The following PHF2 variants were observed in gnomAD, a reference collection of about 807,000 sequenced individuals.
PHF2 encodes the protein lysine-specific demethylase PHF2.
In PHF2, 27 loss-of-function variants were observed where a neutral mutation model predicts 120.5. That is an observed-to-expected ratio of 0.22 (90% CI 0.17 to 0.31). The LOEUF is 0.31. PHF2 is among the 10% of genes least tolerant of loss of function. PHF2 has a pLI of 1.00. For synonymous variants in PHF2, 568 were observed against 592.5 expected, an observed-to-expected ratio of 0.96 and a Z score of 0.60; for missense variants, 1,024 against 1,434.8, an observed-to-expected ratio of 0.71 and a Z score of 4.63.
At chr9:93,617,980 C>T (rs1281687078) in intron 1 of PHF2, among the ~76,000 whole-genome samples, 1 of 152,238 alleles carries the variant, frequency 6.6e-6, no homozygotes, top group African/African-American at 2.4e-5. Context: ...ACAGACACAT[C>T]CAGGATCAAT....
intron 1 of PHF2, among the ~76,000 whole-genome samples, chr9:93,608,396 T>G (rs1587677950): frequency 7.7e-6 from 1 of 130,272 alleles, no homozygotes; most frequent in East Asian, 2.1e-4. Context: ...TATTGATTGG[T>G]AGTTTTTTTT....
chr9:93,591,459 G>A (rs1242802074), intron 1 of PHF2, among the ~76,000 whole-genome samples: 3 of 152,196 alleles, frequency 2.0e-5, no homozygotes, highest in African/African-American at 7.2e-5. Context: ...TACCATGTGA[G>A]TAGGACGTGT....
intron 14 of PHF2, 32 bp downstream of exon 14, chr9:93,663,667 T>C (rs1380062841): frequency 1.5e-6 from 2 of 1,321,716 alleles, no homozygotes; most frequent in Admixed American, 3.5e-5. Context: ...AGGGGTGACC[T>C]CGCGCATAAC....
At chr9:93,629,925 G>A in intron 1 of PHF2, 45 bp from the exon 2 acceptor site, 1 of 1,572,086 alleles carries the variant, frequency 6.4e-7, no homozygotes, top group Non-Finnish European at 8.8e-7. Context: ...AGTGCTTGAG[G>A]GGGTGCTGAA....
At chr9:93,590,321 T>C (rs916269406) in intron 1 of PHF2, among the ~76,000 whole-genome samples, 3 of 152,226 alleles carry the variant, frequency 2.0e-5, no homozygotes, top group African/African-American at 7.2e-5. Context: ...CCCTGGTGCT[T>C]TCTAATGAAG....
intron 17 of PHF2, chr9:93,672,473 AGT>A (rs1415901167): frequency 2.2e-6 from 2 of 900,900 alleles, no homozygotes; most frequent in Non-Finnish European, 2.5e-6. Context: ...CACAGGTGTG[AGT>A]GTGGGAGTAG....
chr9:93,654,399 G>T lies in PHF2; in HGVS notation c.790-14G>T. The T allele has an allele frequency of 6.2e-7, 1 of 1,608,576 alleles. No individual in the cohort carries two copies. Among genetic ancestry groups the T allele is most frequent in the Non-Finnish European group, 8.5e-7 (1 of 1,175,860 alleles). ...CCCAGTATGGGCGGCTCTGCCAACA[G>T]GCTCTCTTGGCAGGGGGAGAAGACC... On this transcript the variant is annotated splice_polypyrimidine_tract_variant and intron_variant, in intron 6 of 21. Transcript: ENST00000359246.
chr9:93,587,881 A>G (rs1010250176), intron 1 of PHF2, among the ~76,000 whole-genome samples: 1 of 152,178 alleles, frequency 6.6e-6, no homozygotes, highest in Non-Finnish European at 1.5e-5. Context: ...GTTCTCCAGC[A>G]GCATGGGCCC....
intron 18 of PHF2, among the ~76,000 whole-genome samples, chr9:93,674,586 A>C (rs954678381): frequency 1.3e-5 from 2 of 152,132 alleles, no homozygotes; most frequent in African/African-American, 4.8e-5. Context: ...GGGGATCTCA[A>C]GCTCCATGAA....
chr9:93,660,603 T>C, intron 12 of PHF2, 43 bp downstream of exon 12: 1 of 1,496,284 alleles, frequency 6.7e-7, no homozygotes, highest in Non-Finnish European at 8.9e-7. Flanking sequence ...TCACCAGAGG[T>C]GCTGCAGCAT....
intron 1 of PHF2, among the ~76,000 whole-genome samples, chr9:93,590,220 C>T (rs1332149182): frequency 6.6e-6 from 1 of 152,230 alleles, no homozygotes; most frequent in African/African-American, 2.4e-5. Flanking sequence ...AAAAGAATAC[C>T]TCACTATGGT....
At chr9:93,618,926 G>T (rs1483993647) in intron 1 of PHF2, among the ~76,000 whole-genome samples, 2 of 28,412 alleles carry the variant, frequency 7.0e-5, no homozygotes, top group Non-Finnish European at 1.5e-4. Flanking sequence ...TGTGTGGTGT[G>T]TGAGTTTGTA....
At chr9:93,621,096 G>T (rs1825818112) in intron 1 of PHF2, among the ~76,000 whole-genome samples, 1 of 152,236 alleles carries the variant, frequency 6.6e-6, no homozygotes, top group Non-Finnish European at 1.5e-5. Flanking sequence ...CAGGCAGCAG[G>T]GGTTGGAGCA....
intron 2 of PHF2, 106 bp from the exon 3 acceptor site, chr9:93,636,305 C>T: frequency 1.3e-6 from 1 of 784,418 alleles, no homozygotes; most frequent in Non-Finnish European, 2.1e-6. Context: ...CCCAGCAATG[C>T]TGGGAGTTGT....
intron 17 of PHF2, chr9:93,672,814 G>A (rs2118123312): frequency 1.0e-6 from 1 of 984,134 alleles, no homozygotes; most frequent in South Asian, 4.7e-5. Context: ...ATGCATGTAT[G>A]GGTGTAGGTG....
intron 17 of PHF2, among the ~76,000 whole-genome samples, chr9:93,667,796 G>T (rs1826710139): frequency 6.6e-6 from 1 of 152,234 alleles, no homozygotes; most frequent in Non-Finnish European, 1.5e-5. Flanking sequence ...TGAGCTTGGG[G>T]GTCCTGGGGG....
chr9:93,629,409 G>A (rs1368140333), intron 1 of PHF2, among the ~76,000 whole-genome samples: 1 of 152,180 alleles, frequency 6.6e-6, no homozygotes, highest in Non-Finnish European at 1.5e-5. Flanking sequence ...AGGTTTGCAA[G>A]GGGTCTGGAG....
intron 1 of PHF2, among the ~76,000 whole-genome samples, chr9:93,581,577 C>T (rs908317024): frequency 2.6e-4 from 40 of 152,190 alleles, no homozygotes; most frequent in Admixed American, 8.5e-4. Context: ...CCCTCTCTGT[C>T]GATGCTTTCC....
intron 1 of PHF2, among the ~76,000 whole-genome samples, chr9:93,629,652 C>T (rs544780966): frequency 9.2e-5 from 14 of 152,322 alleles, no homozygotes; most frequent in African/African-American, 3.1e-4. Flanking sequence ...TCTTCCTTCC[C>T]TGCCCCCTGG....
Sources: allele counts gnomAD v4.1 joint callset (sites outside exome capture counted in the v4.1 genomes callset), GRCh38; gene constraint gnomAD v4.1.1; transcripts MANE v1.5; gene names NCBI Gene and HGNC (gene_info 2026-07-23, HGNC 2026-07-21).